ARHGEF10: variants seen among roughly 807,000 people sequenced by gnomAD.
The protein encoded by ARHGEF10 is Rho guanine nucleotide exchange factor (GEF) 10.
A neutral mutation model predicts 147.4 loss-of-function variants in ARHGEF10; 140 were observed. That is an observed-to-expected ratio of 0.95 (90% confidence interval 0.83 to 1.09). The LOEUF is 1.09. Ranked by LOEUF, ARHGEF10 falls within the 50% of genes least tolerant of loss-of-function variation. The probability of loss-of-function intolerance (pLI) is 0.00; values close to 1 mark genes in which losing one functional copy is unlikely to be tolerated. For missense variants in ARHGEF10, 2,222 were observed against 1,752.7 expected, an observed-to-expected ratio of 1.27 and a Z score of -4.78; for synonymous variants, 902 against 695.8, an observed-to-expected ratio of 1.30 and a Z score of -4.67.
intron 18 of ARHGEF10, among the ~76,000 whole-genome samples, chr8:1,916,629 T>C (rs543882046): frequency 5.9e-5 from 9 of 152,328 alleles, no homozygotes; most frequent in Non-Finnish European, 1.0e-4. Context: ...TTTGCCTGAA[T>C]ATAGCTGGGA....
chr8:1,913,169 T>G (rs12548817), intron 18 of ARHGEF10, among the ~76,000 whole-genome samples: 22,425 of 152,032 alleles, frequency 0.15, 1,771 homozygotes, highest in African/African-American at 0.17. Flanking sequence ...TAGCCCCACC[T>G]TTGGGAGCCT....
chr8:1,897,813 C>T (rs1210835205), intron 14 of ARHGEF10, among the ~76,000 whole-genome samples: 2 of 152,186 alleles, frequency 1.3e-5, no homozygotes, highest in Non-Finnish European at 2.9e-5. Flanking sequence ...AGCTCGGTGG[C>T]TGCCACGTGG....
At chr8:1,888,171 C>CCCTG (rs1808898527) in intron 11 of ARHGEF10, among the ~76,000 whole-genome samples, 1 of 64,306 alleles carries the variant, frequency 1.6e-5, no homozygotes, top group Admixed American at 1.3e-4. Flanking sequence ...TGCGAGGAGA[C>CCCTG]AGTGAGTGGG....
chr8:1,909,220 A>T (rs1439360275), intron 17 of ARHGEF10, 75 bp from the exon 18 acceptor site: 3 of 1,594,258 alleles, frequency 1.9e-6, no homozygotes, highest in Non-Finnish European at 2.6e-6. Context: ...TCTCACTTGA[A>T]CATCTGAGGG....
At position 1,866,615 on chromosome 8, in the gene ARHGEF10, G is replaced by A. The variant is rs1323029852; in HGVS notation, c.622+13G>A. 1 of 1,602,468 alleles carries A rather than the reference G, an allele frequency of 6.2e-7. No individual in the cohort carries two copies. The highest frequency in any genetic ancestry group is 8.5e-7 in the Non-Finnish European group (1 of 1,179,800). On this transcript the variant is annotated intron_variant, in intron 6 of 28. Coordinates refer to ENST00000349830, the MANE Select transcript of ARHGEF10 (RefSeq NM_014629.4). ...GCCTGGATGGAGAGTAAGTTCCCCA[G>A]CTGCCCACAGCCAGAATCCTCACCA...
Position 1,882,683 on chromosome 8 carries a change from G to A in ARHGEF10, c.1009G>A (p.Glu337Lys). 6.4e-7 allele frequency: 1 copy of A among 1,557,288 alleles called. No individual in the cohort carries two copies. Among genetic ancestry groups the A allele is most frequent in the Non-Finnish European group, 8.7e-7 (1 of 1,149,864 alleles). The change falls in exon 10 of 29, where the codon GAG becomes AAG. Residue 337 changes from glutamate to lysine, a missense_variant. By Grantham distance (56) the Glu-to-Lys change is moderately conservative (BLOSUM62 1). Transcript: ENST00000349830. Reference sequence around the variant, plus strand: ...GAAGGACGGCACCAAGGACGGGCTGGAGAGGACCAGGGCAGCCGTGAAGAG... The same window carrying A: ...GAAGGACGGCACCAAGGACGGGCTGAAGAGGACCAGGGCAGCCGTGAAGAG... The part of the protein sequence containing the change: ...AAKDGTKDGL[E>K]RTRAAVKRGR...
At chr8:1,860,240 A>G in intron 4 of ARHGEF10, 56 bp downstream of exon 4, 1 of 1,511,702 alleles carries the variant, frequency 6.6e-7, no homozygotes. Context: ...CCTCCTCTCC[A>G]CGCCCCCGAA....
chr8:1,882,778 A>T, intron 10 of ARHGEF10, 29 bp downstream of exon 10: 2 of 1,315,290 alleles, frequency 1.5e-6, no homozygotes, highest in Non-Finnish European at 2.0e-6. Context: ...TCTTGCGGGG[A>T]GGACACGGGG....
intron 1 of ARHGEF10, among the ~76,000 whole-genome samples, chr8:1,836,738 C>T (rs766182045): frequency 5.9e-5 from 9 of 152,080 alleles, no homozygotes; most frequent in Non-Finnish European, 1.3e-4. Flanking sequence ...GTGTCCCCAC[C>T]CAAATCTCAA....
At chr8:1,855,564 T>G (rs955194703) in intron 2 of ARHGEF10, among the ~76,000 whole-genome samples, 1 of 151,984 alleles carries the variant, frequency 6.6e-6, no homozygotes, top group Non-Finnish European at 1.5e-5. Context: ...GTACCTTTTT[T>G]TTTTTTTAAG....
chr8:1,901,689 G>A (rs535695874), intron 15 of ARHGEF10, among the ~76,000 whole-genome samples: 1 of 152,376 alleles, frequency 6.6e-6, no homozygotes, highest in South Asian at 2.1e-4. Context: ...TCCACCCTGT[G>A]CTGGCTGCTG....
At chr8:1,838,412 G>A (rs1803721390) in intron 1 of ARHGEF10, among the ~76,000 whole-genome samples, 1 of 151,252 alleles carries the variant, frequency 6.6e-6, no homozygotes, top group African/African-American at 2.5e-5. Context: ...GAATGAAGGA[G>A]TCTTCTCCTT....
Position 1,894,373 on chromosome 8 carries a change from C to G in ARHGEF10, c.1261-20C>G, listed in dbSNP as rs1389407477. ...TCTGAAAAAGAAAAGTCTGAACTGT[C>G]TTTGCTCATTTTGTCTTAGCAATAT... On this transcript the variant is annotated intron_variant, in intron 12 of 28. Transcript: ENST00000349830. The G allele has an allele frequency of 1.2e-6, 2 of 1,613,838 alleles. No homozygotes were observed. Among genetic ancestry groups the G allele is most frequent in the Admixed American group, 1.7e-5 (1 of 60,000 alleles).
At chr8:1,831,984 G>A (rs1803138565) in intron 1 of ARHGEF10, among the ~76,000 whole-genome samples, 1 of 152,158 alleles carries the variant, frequency 6.6e-6, no homozygotes, top group African/African-American at 2.4e-5. Context: ...GGTGGTGCCC[G>A]AGCCTGTGGG....
intron 27 of ARHGEF10, among the ~76,000 whole-genome samples, chr8:1,951,525 T>C (rs17830107): frequency 0.36 from 55,478 of 152,144 alleles, 10,418 homozygotes; most frequent in East Asian, 0.56. Flanking sequence ...TGGGGGAGGC[T>C]GTTTGACCTC....
rs539274860 is a variant in ARHGEF10 at position 1,903,508 on chromosome 8, A to G, written c.1821+57A>G. On this transcript the variant is annotated intron_variant, in intron 16 of 28. Transcript: ENST00000349830. ...AAATTATTTTTGCTTTGTGCTAATAAGCTGTCGTTGTCCAGCAATACTAAT... is the reference window on the plus strand; with the variant it reads ...AAATTATTTTTGCTTTGTGCTAATAGGCTGTCGTTGTCCAGCAATACTAAT... The G allele has an allele frequency of 5.6e-6, 9 of 1,598,802 alleles. No homozygotes were observed. In the African/African-American group the frequency reaches 1.2e-4, roughly 21 times the overall value.
chr8:1,898,404 G>T, intron 14 of ARHGEF10, 29 bp from the exon 15 acceptor site: 1 of 1,606,322 alleles, frequency 6.2e-7, no homozygotes, highest in East Asian at 2.2e-5. Flanking sequence ...AGCCCTGCAG[G>T]GAGGTGACCC....
chr8:1,881,889 A>C (rs1004064278), intron 9 of ARHGEF10, among the ~76,000 whole-genome samples: 1 of 152,162 alleles, frequency 6.6e-6, no homozygotes, highest in Non-Finnish European at 1.5e-5. Flanking sequence ...TTAAAGACGA[A>C]ATCACTCAGC....
At chr8:1,853,042 T>C (rs1805263860) in intron 2 of ARHGEF10, among the ~76,000 whole-genome samples, 1 of 149,532 alleles carries the variant, frequency 6.7e-6, no homozygotes, top group South Asian at 2.1e-4. Flanking sequence ...CCAGGTTAGA[T>C]TTGGGCCGGG....
Sources: allele counts gnomAD v4.1 joint callset (sites outside exome capture counted in the v4.1 genomes callset), GRCh38; gene constraint gnomAD v4.1.1; transcripts MANE v1.5; gene names NCBI Gene and HGNC (gene_info 2026-07-23, HGNC 2026-07-21).